Variants in CTNNAL1 observed in about 807,000 individuals in gnomAD.
The protein encoded by CTNNAL1 is catenin alpha like 1.
In CTNNAL1, 69 loss-of-function variants were observed where a neutral mutation model predicts 93.6. The ratio of observed to expected loss-of-function variants is 0.74; its 90% confidence interval spans 0.61 to 0.90. The LOEUF (loss-of-function observed/expected upper bound fraction) is 0.90, where lower values mean the gene tolerates loss of function less well. Ranked by LOEUF, CTNNAL1 falls within the 40% of genes least tolerant of loss-of-function variation. The pLI is 0.00. For missense variants in CTNNAL1, 836 were observed against 862.0 expected, an observed-to-expected ratio of 0.97 and a Z score of 0.38; for synonymous variants, 286 against 305.4, an observed-to-expected ratio of 0.94 and a Z score of 0.66.
chr9:108,964,383 T>C (rs1830898948), intron 11 of CTNNAL1, among the ~76,000 whole-genome samples: 1 of 152,036 alleles, frequency 6.6e-6, no homozygotes, highest in African/African-American at 2.4e-5. Flanking sequence ...ACATTTTATT[T>C]AAAAAAATAA....
At chr9:108,971,565 T>C (rs1587961724) in intron 9 of CTNNAL1, among the ~76,000 whole-genome samples, 1 of 152,232 alleles carries the variant, frequency 6.6e-6, no homozygotes, top group Non-Finnish European at 1.5e-5. Flanking sequence ...ATTTCATAAA[T>C]GGGAGTTCCC....
rs545017529 is a variant in CTNNAL1, at chr9:108,978,462, G to C, written c.1101+819C>G. 2.2e-3 allele frequency among the ~76,000 whole-genome samples: 332 copies of C among 152,292 alleles called. 1 individual carries two copies. Among genetic ancestry groups the C allele is most frequent in the African/African-American group, 7.7e-3 (322 of 41,560 alleles). ...TCTTTACTGCCAAAGCTTTGTTCAT[G>C]ACTTCCAGATTTGTACTATCACTGC... On this transcript the variant is annotated intron_variant, in intron 7 of 18. Transcript: ENST00000325551.
rs371009945 is a variant in CTNNAL1, at chr9:108,979,466, G to A, written c.916C>T (p.Leu306Phe). The change falls in exon 7 of 19, where the codon CTT becomes TTT. Residue 306 changes from leucine to phenylalanine, a missense_variant. Coordinates refer to ENST00000325551, the MANE Select transcript of CTNNAL1 (RefSeq NM_003798.4). ...GACTGAAAATAAAGATTCTCCCGAA[G>A]AGCTTCAATATTCATCTGAGAACAA... ...IKEFKMNIEA[L>F]RENLYFQSKE... 1 of 1,613,880 alleles carries A rather than the reference G, an allele frequency of 6.2e-7. No individual in the cohort carries two copies. The highest frequency in any genetic ancestry group is 1.3e-5 in the African/African-American group (1 of 74,892).
chr9:108,982,079 T>C (rs2132151624), intron 6 of CTNNAL1, among the ~76,000 whole-genome samples: 1 of 152,322 alleles, frequency 6.6e-6, no homozygotes, highest in Non-Finnish European at 1.5e-5. Flanking sequence ...GGCATTGTAC[T>C]AGATGACTTC....
At chr9:108,955,098 G>A (rs562145454) in intron 12 of CTNNAL1, among the ~76,000 whole-genome samples, 2 of 152,200 alleles carry the variant, frequency 1.3e-5, no homozygotes, top group East Asian at 3.9e-4. Context: ...GAGTAGCTGG[G>A]ATTACAGGCC....
chr9:109,000,810 T>A, intron 1 of CTNNAL1, among the ~76,000 whole-genome samples: 1 of 151,362 alleles, frequency 6.6e-6, no homozygotes, highest in East Asian at 1.9e-4. Flanking sequence ...AAAACCAATA[T>A]CCAAGAGATG....
intron 4 of CTNNAL1, among the ~76,000 whole-genome samples, chr9:108,987,458 A>G (rs528236065): frequency 4.5e-4 from 68 of 152,286 alleles, no homozygotes; most frequent in African/African-American, 1.5e-3. Flanking sequence ...GAAGTCAGGT[A>G]TTGTGATGCC....
At chr9:108,955,911 TAAAC>T (rs888089830) in intron 11 of CTNNAL1, 84 bp from the exon 12 acceptor site, 37 of 816,408 alleles carry the variant, frequency 4.5e-5, no homozygotes, top group Middle Eastern at 3.7e-4. Context: ...AAGTATTAAT[TAAAC>T]AAACAGGAAT....
Position 108,955,784 on chromosome 9 carries a change from A to T in CTNNAL1, c.1629+6T>A, listed in dbSNP as rs1004359120. On this transcript the variant is annotated splice_donor_region_variant and intron_variant, in intron 12 of 18. Transcript: ENST00000325551. ...ATTCTGCAATGTACATAATTCTTCT[A>T]CTTACCATTGGCTTTGGAAGTGAAA... 2 of 1,600,972 alleles carry T rather than the reference A, an allele frequency of 1.2e-6. No homozygotes were observed. The highest frequency in any genetic ancestry group is 1.7e-6 in the Non-Finnish European group (2 of 1,173,290).
intron 1 of CTNNAL1, among the ~76,000 whole-genome samples, chr9:109,002,972 A>C (rs922994090): frequency 2.0e-5 from 3 of 151,840 alleles, no homozygotes; most frequent in Non-Finnish European, 4.4e-5. Context: ...CAGCCTGGGC[A>C]ACAAGAGCAA....
chr9:108,984,550 A>T, intron 4 of CTNNAL1, 114 bp from the exon 5 acceptor site: 9 of 371,538 alleles, frequency 2.4e-5, no homozygotes, highest in East Asian at 4.6e-5. Flanking sequence ...TGTTAAGTGA[A>T]AAAAAAAAAA....
intron 4 of CTNNAL1, among the ~76,000 whole-genome samples, chr9:108,988,994 G>T (rs1470485534): frequency 1.3e-5 from 2 of 152,180 alleles, no homozygotes; most frequent in African/African-American, 4.8e-5. Flanking sequence ...AAACACAGAT[G>T]ATAAAAAGGC....
At chr9:109,004,122 A>T (rs1218043076) in intron 1 of CTNNAL1, among the ~76,000 whole-genome samples, 1 of 152,118 alleles carries the variant, frequency 6.6e-6, no homozygotes, top group Non-Finnish European at 1.5e-5. Context: ...TGTCATGAAG[A>T]CACTTCACCG....
At chr9:109,007,997 T>C (rs927612339) in intron 1 of CTNNAL1, among the ~76,000 whole-genome samples, 1 of 152,132 alleles carries the variant, frequency 6.6e-6, no homozygotes, top group Non-Finnish European at 1.5e-5. Flanking sequence ...CCATTGATAA[T>C]TATAGCTGTG....
chr9:108,962,411 G>A (rs1264018415), intron 11 of CTNNAL1, among the ~76,000 whole-genome samples: 5 of 152,044 alleles, frequency 3.3e-5, no homozygotes. Context: ...CCTAACTTTG[G>A]TAGAAGAAAG....
Position 108,955,837 on chromosome 9 carries a change from A to G in CTNNAL1, c.1592-10T>C, listed in dbSNP as rs1564124484. ...TAGCCATACTTCTCTCCTACAAATAACACATATAACTTAAAAAATTTTTTC... is the reference window on the plus strand; with the variant it reads ...TAGCCATACTTCTCTCCTACAAATAGCACATATAACTTAAAAAATTTTTTC... On this transcript the variant is annotated splice_polypyrimidine_tract_variant and intron_variant, in intron 11 of 18. Coordinates refer to ENST00000325551, the MANE Select transcript of CTNNAL1 (RefSeq NM_003798.4). 6.4e-7 allele frequency: 1 copy of G among 1,566,718 alleles called. No homozygotes were observed. Among genetic ancestry groups the G allele is most frequent in the South Asian group, 1.3e-5 (1 of 79,992 alleles).
intron 5 of CTNNAL1, among the ~76,000 whole-genome samples, chr9:108,983,841 A>C (rs1276235588): frequency 1.3e-5 from 2 of 152,220 alleles, no homozygotes; most frequent in Non-Finnish European, 2.9e-5. Context: ...TGCTAAAGAG[A>C]CATTTTACTC....
chr9:108,945,419 A>T (rs1319443432), intron 15 of CTNNAL1, among the ~76,000 whole-genome samples: 14 of 139,864 alleles, frequency 1.0e-4, no homozygotes, highest in Non-Finnish European at 1.9e-4. Flanking sequence ...TTTAAAATGT[A>T]TTTTGTTTTT....
At chr9:108,954,026 A>G (rs540966453) in intron 12 of CTNNAL1, among the ~76,000 whole-genome samples, 2 of 152,286 alleles carry the variant, frequency 1.3e-5, no homozygotes, top group African/African-American at 4.8e-5. Context: ...TATACTTTAT[A>G]TTATTCTTTT....
Sources: allele counts gnomAD v4.1 joint callset (sites outside exome capture counted in the v4.1 genomes callset), GRCh38; gene constraint gnomAD v4.1.1; transcripts MANE v1.5; gene names NCBI Gene and HGNC (gene_info 2026-07-23, HGNC 2026-07-21).